Variants in HPSE2 observed in about 807,000 individuals in gnomAD.
HPSE2 encodes the protein inactive heparanase-2.
HPSE2 carries 38 observed loss-of-function variants against 60.5 expected under a neutral mutation model. That is an observed-to-expected ratio of 0.63 (90% CI 0.48 to 0.82). The LOEUF is 0.82. HPSE2 is among the 40% of genes least tolerant of loss of function. The pLI, the probability that HPSE2 is intolerant of heterozygous loss-of-function variation, is 0.00. For synonymous variants in HPSE2, 295 were observed against 293.2 expected, an observed-to-expected ratio of 1.01 and a Z score of -0.06; for missense variants, 713 against 740.4, an observed-to-expected ratio of 0.96 and a Z score of 0.43.
chr10:98,966,098 C>G (rs1269349490), intron 3 of HPSE2, among the ~76,000 whole-genome samples: 1 of 152,092 alleles, frequency 6.6e-6, no homozygotes, highest in Non-Finnish European at 1.5e-5. Flanking sequence ...ACCAAGTTGG[C>G]CAGACTGGTC....
At chr10:98,729,037 G>T (rs1480871305) in intron 4 of HPSE2, among the ~76,000 whole-genome samples, 3 of 151,112 alleles carry the variant, frequency 2.0e-5, no homozygotes, top group African/African-American at 7.3e-5. Flanking sequence ...GAAAAGAAAA[G>T]AACAAAACAA....
chr10:99,284,769 A>AT, the HPSE2 span, among the ~76,000 whole-genome samples: 1 of 152,194 alleles, frequency 6.6e-6, no homozygotes, highest in Non-Finnish European at 1.5e-5. Flanking sequence ...GGAGTTTGTT[A>AT]TACAGATTAT....
chr10:98,476,121 C>T (rs1941003994), intron 11 of HPSE2, among the ~76,000 whole-genome samples: 2 of 151,620 alleles, frequency 1.3e-5, no homozygotes, highest in African/African-American at 4.9e-5. Context: ...GGCACATATA[C>T]ACCATGGAAT....
chr10:99,147,259 T>C (rs1846089288), intron 2 of HPSE2, among the ~76,000 whole-genome samples: 2 of 152,224 alleles, frequency 1.3e-5, no homozygotes, highest in South Asian at 4.1e-4. Context: ...AGAGTAGAAT[T>C]ACATTAAACA....
At chr10:99,202,835 C>T (rs1254500115) in intron 2 of HPSE2, among the ~76,000 whole-genome samples, 2 of 152,058 alleles carry the variant, frequency 1.3e-5, no homozygotes, top group South Asian at 4.2e-4. Context: ...AGGCATAGCA[C>T]AAAAAATAAG....
chr10:98,735,776 TC>T (rs1949341800), intron 4 of HPSE2, among the ~76,000 whole-genome samples: 1 of 152,204 alleles, frequency 6.6e-6, no homozygotes, highest in Admixed American at 6.5e-5. Context: ...GGCTAATTTC[TC>T]CCATTTGGAA....
intron 9 of HPSE2, among the ~76,000 whole-genome samples, chr10:98,548,204 A>C (rs901132176): frequency 1.3e-5 from 2 of 152,230 alleles, no homozygotes; most frequent in African/African-American, 4.8e-5. Flanking sequence ...AGCTCTTATA[A>C]AACTTTGGTT....
chr10:98,810,682 T>C (rs2134568612), intron 3 of HPSE2, among the ~76,000 whole-genome samples: 1 of 152,174 alleles, frequency 6.6e-6, no homozygotes, highest in Non-Finnish European at 1.5e-5. Context: ...TTGGCTTCCC[T>C]GGGCCACACT....
chr10:98,502,719 C>T (rs188498695), intron 9 of HPSE2, among the ~76,000 whole-genome samples: 20 of 152,222 alleles, frequency 1.3e-4, no homozygotes, highest in Admixed American at 4.6e-4. Flanking sequence ...TAAACTAAAG[C>T]GCTTTTGCAC....
chr10:99,141,150 T>C (rs1845853104), intron 3 of HPSE2, among the ~76,000 whole-genome samples: 1 of 152,204 alleles, frequency 6.6e-6, no homozygotes, highest in South Asian at 2.1e-4. Context: ...AGAACACATC[T>C]GATTCCTGTT....
chr10:98,780,835 A>T (rs914070015), intron 3 of HPSE2, among the ~76,000 whole-genome samples: 1 of 152,142 alleles, frequency 6.6e-6, no homozygotes, highest in Non-Finnish European at 1.5e-5. Context: ...GTGTGGCAGG[A>T]AACAAAAATG....
intron 3 of HPSE2, among the ~76,000 whole-genome samples, chr10:99,133,883 G>A (rs536362592): frequency 6.6e-6 from 1 of 152,254 alleles, no homozygotes; most frequent in African/African-American, 2.4e-5. Context: ...TTGACAGATC[G>A]ACAGAAGTAG....
In HPSE2 at chr10:99,145,468, A is replaced by AG. The variant is rs1366444390; in HGVS notation, c.449-1070_449-1069insC. Among the ~76,000 whole-genome samples, 243 of 150,786 alleles carry AG rather than the reference A, an allele frequency of 1.6e-3. 1 individual carries two copies. The highest frequency in any genetic ancestry group is 4.7e-3 in the East Asian group (24 of 5,148). ...GAGACTCTGTCTTAAAAAAAAAAAA[A>AG]AAGAAGAAGAAGAATGCTTCCCAAT... On this transcript the variant is annotated intron_variant, in intron 2 of 11. Transcript: ENST00000370552.
intron 9 of HPSE2, among the ~76,000 whole-genome samples, chr10:98,519,451 C>T (rs553732231): frequency 7.9e-5 from 12 of 152,362 alleles, no homozygotes; most frequent in African/African-American, 2.6e-4. Flanking sequence ...CCCAAATGCT[C>T]TTGCCCTCTT....
chr10:98,913,773 T>C (rs1046573480), intron 3 of HPSE2, among the ~76,000 whole-genome samples: 5 of 152,186 alleles, frequency 3.3e-5, no homozygotes, highest in Non-Finnish European at 7.3e-5. Flanking sequence ...ACTGAGATCA[T>C]CTGCTGTAGA....
At chr10:98,572,724 T>A (rs1818744789) in intron 9 of HPSE2, among the ~76,000 whole-genome samples, 1 of 152,198 alleles carries the variant, frequency 6.6e-6, no homozygotes, top group Non-Finnish European at 1.5e-5. Flanking sequence ...ATCCTCTTTT[T>A]AAAAAGAAAA....
chr10:98,685,157 G>C (rs1947881121), intron 6 of HPSE2, among the ~76,000 whole-genome samples: 1 of 152,026 alleles, frequency 6.6e-6, no homozygotes, highest in South Asian at 2.1e-4. Context: ...TTGATCCATT[G>C]TATGTTTTGA....
intron 2 of HPSE2, among the ~76,000 whole-genome samples, chr10:99,201,030 T>C (rs1848560407): frequency 6.6e-6 from 1 of 152,150 alleles, no homozygotes; most frequent in African/African-American, 2.4e-5. Context: ...AAGTGAATTG[T>C]TTTCAGCTGA....
the HPSE2 span, among the ~76,000 whole-genome samples, chr10:99,243,352 C>CAA: frequency 8.2e-6 from 1 of 121,542 alleles, no homozygotes; most frequent in African/African-American, 3.0e-5. Context: ...GACTCTGTCT[C>CAA]AAAAAAAAAA....
Sources: gnomAD v4.1 joint callset for allele counts (sites outside exome capture counted in the v4.1 genomes callset) on GRCh38, gnomAD v4.1.1 for gene constraint, MANE v1.5 for transcripts, NCBI Gene and HGNC (gene_info 2026-07-23, HGNC 2026-07-21) for gene names.